RSPO1: variants seen among roughly 807,000 people sequenced by gnomAD.
RSPO1 encodes R-spondin 1.
RSPO1 carries 18 observed loss-of-function variants against 26.0 expected under a neutral mutation model. The ratio of observed to expected loss-of-function variants is 0.69; its 90% CI spans 0.48 to 1.03. RSPO1 has a LOEUF of 1.03. RSPO1 is among the 50% of genes least tolerant of loss of function. The pLI is 0.00. For synonymous variants in RSPO1, 133 were observed against 137.4 expected, an observed-to-expected ratio of 0.97 and a Z score of 0.22; for missense variants, 309 against 352.3, an observed-to-expected ratio of 0.88 and a Z score of 0.98.
At chr1:37,619,894 C>A (rs535553176) in intron 3 of RSPO1, among the ~76,000 whole-genome samples, 49 of 152,086 alleles carry the variant, frequency 3.2e-4, no homozygotes, top group Admixed American at 2.2e-3. Flanking sequence ...ATTACAGGCA[C>A]CTGCCACCAT....
At chr1:37,617,886 T>C (rs1644141661) in intron 3 of RSPO1, among the ~76,000 whole-genome samples, 1 of 151,626 alleles carries the variant, frequency 6.6e-6, no homozygotes, top group African/African-American at 2.4e-5. Context: ...CACAAATAGG[T>C]GAATGCTGAC....
chr1:37,630,730 G>A (rs1405019133), intron 2 of RSPO1, among the ~76,000 whole-genome samples: 1 of 152,180 alleles, frequency 6.6e-6, no homozygotes, highest in African/African-American at 2.4e-5. Context: ...CCCAACCTGG[G>A]AGTGAGAATG....
In RSPO1 at chr1:37,634,146, GC is replaced by G. The variant is rs955361973; in HGVS notation, c.-356+419del. ...ATGCCGCCTGCCACGTCGAACCCAG[GC>G]CCAGGCTGCGGACTGGGGTGGGGGT... On this transcript the variant is annotated intron_variant, in intron 1 of 6. Transcript: ENST00000356545. The surrounding 1 kb of genome is among the most constrained non-coding windows in gnomAD (Gnocchi z 4.7). Among the ~76,000 whole-genome samples the G allele has an allele frequency of 2.8e-4, 43 of 152,282 alleles. No individual in the cohort carries two copies. Among genetic ancestry groups the G allele is most frequent in the South Asian group, 4.1e-4 (2 of 4,826 alleles).
intron 3 of RSPO1, among the ~76,000 whole-genome samples, chr1:37,623,098 A>T (rs541484593): frequency 6.6e-6 from 1 of 151,884 alleles, no homozygotes; most frequent in Admixed American, 6.6e-5. Flanking sequence ...GCTGAGCTCC[A>T]TGAGGGTTTG....
At chr1:37,631,097 C>T (rs934862359) in intron 2 of RSPO1, among the ~76,000 whole-genome samples, 2 of 152,060 alleles carry the variant, frequency 1.3e-5, no homozygotes, top group Non-Finnish European at 2.9e-5. Flanking sequence ...CTGTCCTAAT[C>T]CTTTCCCCTC....
At chr1:37,632,644 G>A (rs12566939) in intron 1 of RSPO1, among the ~76,000 whole-genome samples, 33,163 of 152,174 alleles carry the variant, frequency 0.22, 3,760 homozygotes, top group East Asian at 0.31. Flanking sequence ...TAAAAGAGGA[G>A]TGGAAAATCC....
Position 37,613,265 on chromosome 1 carries a change from G to A in RSPO1, c.626-344C>T, listed in dbSNP as rs1055180167. On this transcript the variant is annotated intron_variant, in intron 6 of 6. Transcript: ENST00000356545. This position sits in a 1 kb window ranked among gnomAD's most constrained non-coding sequence, Gnocchi z 4.5. ...TTCAGTGCAACTCTCAGAACAGGCA[G>A]GACTGCCCCCATCCCCTATCCGCCA... Among the ~76,000 whole-genome samples, 2 of 152,212 alleles carry A rather than the reference G, an allele frequency of 1.3e-5. No homozygotes were observed. Among genetic ancestry groups the A allele is most frequent in the Middle Eastern group, 3.2e-3 (1 of 316 alleles).
chr1:37,613,750 G>A lies in RSPO1; in HGVS notation c.579C>T (p.Thr193=), dbSNP rs1644062943. 1.2e-6 allele frequency: 2 copies of A among 1,613,930 alleles called. No individual in the cohort carries two copies. Among genetic ancestry groups the A allele is most frequent in the Admixed American group, 1.7e-5 (1 of 60,022 alleles). The change falls in exon 6 of 7, where the codon ACC becomes ACT. Residue 193 remains threonine, a synonymous_variant. Coordinates refer to ENST00000356545, the MANE Select transcript of RSPO1 (RefSeq NM_001242908.2). This position sits in a 1 kb window ranked among gnomAD's most constrained non-coding sequence, Gnocchi z 4.5. The stretch of plus-strand genomic sequence containing the variant: ...TCACTGTGCACCTCCGGGTCTCCTT[G>A]GTGTCAGAGCAGGCAGCATGGTCCC... The part of the protein sequence containing the change: ...PVGDHAACSD[T]KETRRCTVRR...
chr1:37,622,853 G>A (rs1328216897), intron 3 of RSPO1, among the ~76,000 whole-genome samples: 1 of 152,214 alleles, frequency 6.6e-6, no homozygotes, highest in African/African-American at 2.4e-5. Context: ...GGGCTTCGGA[G>A]TGAGTGGAAG....
At chr1:37,622,988 G>A (rs554805299) in intron 3 of RSPO1, among the ~76,000 whole-genome samples, 2 of 152,208 alleles carry the variant, frequency 1.3e-5, no homozygotes, top group African/African-American at 4.8e-5. Flanking sequence ...GACATTGATG[G>A]AGTAGAGACC....
chr1:37,614,446 A>T, intron 4 of RSPO1, 113 bp from the exon 5 acceptor site: 1 of 1,213,108 alleles, frequency 8.2e-7, no homozygotes, highest in Non-Finnish European at 1.2e-6. Context: ...GGAGGGCAGG[A>T]CCCTGGCCTA....
In RSPO1 at chr1:37,629,687, G is replaced by T; in HGVS notation, c.-26C>A. On this transcript the variant is annotated 5_prime_UTR_variant, in exon 3 of 7. Coordinates refer to ENST00000356545, the MANE Select transcript of RSPO1 (RefSeq NM_001242908.2). ...AGTCACGCGCCAGCTCCAGGCCCCT[G>T]GTCGGAGGGGTGGTCTCGGGGAGGG... The T allele has an allele frequency of 6.2e-7, 1 of 1,613,564 alleles. No homozygotes were observed. Among genetic ancestry groups the T allele is most frequent in the South Asian group, 1.1e-5 (1 of 90,948 alleles).
rs1334547215 is a variant in RSPO1, at chr1:37,634,855, G to C, written c.-645C>G. 2.6e-5 allele frequency: 4 copies of C among 152,282 alleles called. No individual in the cohort carries two copies. In the East Asian group the frequency reaches 7.7e-4, roughly 29 times the overall value. The allele number at this position is 152,282 out of a possible 1,614,324, so 9.4% of individuals were successfully genotyped here. ...CTGCCCTGCGCTGGTGCTCTCCGTC[G>C]CGCCTCCGCTCGGCCGGAGCTCCCA... On this transcript the variant is annotated 5_prime_UTR_variant, in exon 1 of 7. Transcript: ENST00000356545. This position sits in a 1 kb window ranked among gnomAD's most constrained non-coding sequence, Gnocchi z 4.7.
chr1:37,624,231 G>A (rs968579634), intron 3 of RSPO1, among the ~76,000 whole-genome samples: 2 of 152,108 alleles, frequency 1.3e-5, no homozygotes, highest in Non-Finnish European at 2.9e-5. Flanking sequence ...GACCAGCCTT[G>A]GCAACATAGT....
chr1:37,627,596 G>T (rs1478486592), intron 3 of RSPO1, among the ~76,000 whole-genome samples: 3 of 152,052 alleles, frequency 2.0e-5, no homozygotes, highest in Admixed American at 2.0e-4. Flanking sequence ...GTTGCAGTAA[G>T]CCAAGATCGT....
intron 1 of RSPO1, among the ~76,000 whole-genome samples, chr1:37,633,038 T>C (rs949103273): frequency 3.3e-5 from 5 of 152,254 alleles, no homozygotes; most frequent in African/African-American, 4.8e-5. Flanking sequence ...AGGGCATTTC[T>C]CTCTGCCACT....
intron 2 of RSPO1, among the ~76,000 whole-genome samples, chr1:37,630,640 C>T (rs879778089): frequency 4.6e-5 from 7 of 152,218 alleles, no homozygotes; most frequent in Non-Finnish European, 8.8e-5. Context: ...TCTCTGGACC[C>T]GCTGGCCGGC....
At chr1:37,631,568 G>C (rs1644361922) in intron 2 of RSPO1, among the ~76,000 whole-genome samples, 2 of 152,244 alleles carry the variant, frequency 1.3e-5, no homozygotes, top group African/African-American at 4.8e-5. Context: ...AAACTTCAGA[G>C]TCAGACTGCC....
At position 37,629,850 on chromosome 1, in the gene RSPO1, C is replaced by T. The variant is rs1644331247; in HGVS notation, c.-189G>A. On this transcript the variant is annotated 5_prime_UTR_variant, in exon 3 of 7. Transcript: ENST00000356545. ...TGGGGAGCCCAGTTCTCCATCAGCT[C>T]AAAGGGAGGTCCTCAAAGAGAGACT... 4 of 1,550,904 alleles carry T rather than the reference C, an allele frequency of 2.6e-6. No individual in the cohort carries two copies. In the South Asian group the frequency reaches 4.8e-5, roughly 18 times the overall value.
Sources: gnomAD v4.1 joint callset for allele counts (sites outside exome capture counted in the v4.1 genomes callset) on GRCh38, gnomAD v4.1.1 for gene constraint, Gnocchi (gnomAD v3.1) non-coding constraint, MANE v1.5 for transcripts, NCBI Gene and HGNC (gene_info 2026-07-23, HGNC 2026-07-21) for gene names.